ZNF420: variants seen among roughly 807,000 people sequenced by gnomAD.
ZNF420 encodes the protein zinc finger protein 420.
In ZNF420, 31 loss-of-function variants were observed where a neutral mutation model predicts 44.7. The ratio of observed to expected loss-of-function variants is 0.69; its 90% CI spans 0.52 to 0.94. The LOEUF (loss-of-function observed/expected upper bound fraction) is 0.94. ZNF420 is among the 40% of genes least tolerant of loss of function. The pLI, the probability that ZNF420 is intolerant of heterozygous loss-of-function variation, is 0.00. For missense variants in ZNF420, 681 were observed against 827.9 expected (o/e 0.82, Z 2.18); for synonymous variants, 245 against 267.4 (o/e 0.92, Z 0.82).
chr19:37,100,935 TTTTGTCAATG>T (rs1273199313), intron 4 of ZNF420, among the ~76,000 whole-genome samples: 1 of 152,164 alleles, frequency 6.6e-6, no homozygotes, highest in Non-Finnish European at 1.5e-5. Flanking sequence ...CTTTAATTTC[TTTTGTCAATG>T]TTTATAGTTC....
At chr19:37,117,914 G>A (rs1464405412) in intron 4 of ZNF420, among the ~76,000 whole-genome samples, 1 of 152,112 alleles carries the variant, frequency 6.6e-6, no homozygotes. Flanking sequence ...AAGAAGAGAA[G>A]TTTAGAGAAA....
At chr19:37,011,780 A>G (rs2074571130) in intron 1 of ZNF420, among the ~76,000 whole-genome samples, 1 of 151,946 alleles carries the variant, frequency 6.6e-6, no homozygotes, top group East Asian at 1.9e-4. Flanking sequence ...CACTCACCCC[A>G]TCTGTTCTGG....
intron 4 of ZNF420, among the ~76,000 whole-genome samples, chr19:37,102,031 G>C (rs1161864427): frequency 4.6e-5 from 7 of 152,124 alleles, no homozygotes; most frequent in South Asian, 2.1e-4. Flanking sequence ...GGCCCTCTCG[G>C]GATCTGCTGT....
intron 4 of ZNF420, among the ~76,000 whole-genome samples, chr19:37,094,858 C>T (rs890185272): frequency 6.6e-6 from 1 of 152,044 alleles, no homozygotes; most frequent in Non-Finnish European, 1.5e-5. Flanking sequence ...TAAGGCCAGG[C>T]GCGGTGGCTC....
intron 1 of ZNF420, among the ~76,000 whole-genome samples, chr19:37,037,885 C>T (rs539602066): frequency 1.1e-4 from 17 of 152,294 alleles, no homozygotes; most frequent in African/African-American, 4.1e-4. Context: ...GACCTAGAAC[C>T]AAACCTGTAA....
Position 37,012,110 on chromosome 19 carries a change from G to T in ZNF420, c.-125+4028G>T, listed in dbSNP as rs533836076. The stretch of plus-strand genomic sequence containing the variant: ...GAGGAGTCCTGAGACCCTAGCAGGC[G>T]CCCTGAAGCTCCTCCTCCACCGGTA... On this transcript the variant is annotated intron_variant, in intron 1 of 4. Transcript: ENST00000587029. 5.9e-5 allele frequency among the ~76,000 whole-genome samples: 9 copies of T among 152,252 alleles called. No homozygotes were observed. The East Asian group carries it at 1.2e-3, about 20-fold the overall frequency.
Position 37,129,317 on chromosome 19 carries a change from C to G in ZNF420, c.*259C>G. 1 of 435,770 alleles carries G rather than the reference C, an allele frequency of 2.3e-6. No individual in the cohort carries two copies. Among genetic ancestry groups the G allele is most frequent in the Non-Finnish European group, 4.1e-6 (1 of 245,904 alleles). The allele number at this position is 435,770 out of a possible 1,614,324, so 27.0% of individuals were successfully genotyped here. ...CCATATTGAAAACAAATATCTTTTT[C>G]AACGTTATCTTAGCTCTACTAGTTG... On this transcript the variant is annotated 3_prime_UTR_variant, in exon 5 of 5. Coordinates refer to ENST00000337995, the MANE Select transcript of ZNF420 (RefSeq NM_144689.5).
rs1244782376 is a variant in ZNF420 at position 37,052,354 on chromosome 19, C to T, written c.-124-27991C>T. On this transcript the variant is annotated intron_variant, in intron 1 of 4. Coordinates refer to the ZNF420 transcript ENST00000587029. ...TGTCTTTTAATTGGAGCATTTAGCC[C>T]ATTTACATTTAAGGTTAATATTGTT... Among the ~76,000 whole-genome samples the T allele has an allele frequency of 2.6e-5, 4 of 151,808 alleles. No homozygotes were observed. In the South Asian group the frequency reaches 6.3e-4, roughly 24 times the overall value.
chr19:37,081,994 ATTTAATGTAGCCATTCCAGC>A (rs2146490967), intron 2 of ZNF420, among the ~76,000 whole-genome samples: 1 of 152,226 alleles, frequency 6.6e-6, no homozygotes, highest in African/African-American at 2.4e-5. Flanking sequence ...TTTGCTTGAT[ATTTAATGTAGCCATTCCAGC>A]TTTCTTTTCA....
intron 3 of ZNF420, 82 bp from the exon 4 acceptor site, chr19:37,090,913 C>G (rs1969099259): frequency 1.4e-6 from 2 of 1,408,952 alleles, no homozygotes; most frequent in Non-Finnish European, 9.5e-7. Context: ...GAGCAAGACT[C>G]CATCTCAAAA....
At chr19:37,037,726 A>G (rs1219020356) in intron 1 of ZNF420, among the ~76,000 whole-genome samples, 1 of 152,134 alleles carries the variant, frequency 6.6e-6, no homozygotes, top group Non-Finnish European at 1.5e-5. Context: ...CCTCAATAGC[A>G]GGCCTCAGGT....
intron 1 of ZNF420, among the ~76,000 whole-genome samples, chr19:37,008,967 C>T (rs2074548598): frequency 6.6e-6 from 1 of 152,186 alleles, no homozygotes; most frequent in African/African-American, 2.4e-5. Context: ...TCCTGGAGCT[C>T]TGGGCATCCA....
chr19:37,109,870 A>C (rs1970291621), intron 4 of ZNF420: 1 of 152,162 alleles, frequency 6.6e-6, no homozygotes, highest in Non-Finnish European at 1.5e-5. Context: ...AAATGTTTAA[A>C]AAATTTAAAG....
At position 37,039,583 on chromosome 19, in the gene ZNF420, T is replaced by C. The variant is rs560356899; in HGVS notation, c.-125+31501T>C. Among the ~76,000 whole-genome samples the C allele has an allele frequency of 5.9e-5, 9 of 152,336 alleles. No homozygotes were observed. The East Asian group carries it at 1.5e-3, about 26-fold the overall frequency. On this transcript the variant is annotated intron_variant, in intron 1 of 4. Coordinates refer to the ZNF420 transcript ENST00000587029. ...TATCATCCAAGTGTTGTTCCACTTA[T>C]AGAGCATGGGCAAAGTAGATTTAGT...
At chr19:37,011,403 A>T (rs1215343406) in intron 1 of ZNF420, among the ~76,000 whole-genome samples, 2 of 151,948 alleles carry the variant, frequency 1.3e-5, no homozygotes, top group African/African-American at 4.8e-5. Flanking sequence ...TTCATGTTTC[A>T]TTCTTGAGGG....
intron 4 of ZNF420, among the ~76,000 whole-genome samples, chr19:37,118,295 C>T (rs981126175): frequency 6.6e-6 from 1 of 152,190 alleles, no homozygotes; most frequent in African/African-American, 2.4e-5. Flanking sequence ...CTCTACAAGC[C>T]AGAAGAGAAG....
intron 1 of ZNF420, among the ~76,000 whole-genome samples, chr19:37,057,478 C>T (rs1165579387): frequency 6.8e-6 from 1 of 146,166 alleles, no homozygotes; most frequent in Non-Finnish European, 1.5e-5. Flanking sequence ...CTGTCTCTCA[C>T]TCTCTGTCTG....
At chr19:37,072,982 TATTTAATGGC>T (rs1968083651) in intron 1 of ZNF420, among the ~76,000 whole-genome samples, 3 of 152,360 alleles carry the variant, frequency 2.0e-5, no homozygotes, top group Middle Eastern at 3.4e-3. Context: ...ACTGTACAAA[TATTTAATGGC>T]ATTTGAAAAG....
intron 1 of ZNF420, among the ~76,000 whole-genome samples, chr19:37,034,904 C>G (rs1967325061): frequency 6.6e-6 from 1 of 152,144 alleles, no homozygotes; most frequent in African/African-American, 2.4e-5. Context: ...ATTAGGAAAG[C>G]CTTGTTCAGA....
Sources: allele counts gnomAD v4.1 joint callset (sites outside exome capture counted in the v4.1 genomes callset), GRCh38; gene constraint gnomAD v4.1.1; transcripts MANE v1.5; gene names NCBI Gene and HGNC (gene_info 2026-07-23, HGNC 2026-07-21).